Variants in MAGI2 observed in about 807,000 individuals in gnomAD.
The protein encoded by MAGI2 is membrane associated guanylate kinase, WW and PDZ domain containing 2.
In MAGI2, 35 loss-of-function variants were observed where a neutral mutation model predicts 133.3. The ratio of observed to expected loss-of-function variants is 0.26; its 90% CI spans 0.20 to 0.35. The LOEUF is 0.35. Among genes scored for constraint, MAGI2 ranks in the 10% least tolerant of loss-of-function variants. The probability of loss-of-function intolerance (pLI) is 1.00; values close to 1 mark genes in which losing one functional copy is unlikely to be tolerated. For synonymous variants in MAGI2, 729 were observed against 710.6 expected, an observed-to-expected ratio of 1.03 and a Z score of -0.41; for missense variants, 1,636 against 1,863.4, an observed-to-expected ratio of 0.88 and a Z score of 2.25.
intron 3 of MAGI2, chr7:78,618,666 A>G (rs1301081185): frequency 6.6e-6 from 1 of 151,964 alleles, no homozygotes; most frequent in Non-Finnish European, 1.5e-5. Flanking sequence ...TGTGGTATAT[A>G]CAATAGAATA....
chr7:78,118,295 T>C (rs1358931078), intron 20 of MAGI2, among the ~76,000 whole-genome samples: 1 of 152,194 alleles, frequency 6.6e-6, no homozygotes, highest in Non-Finnish European at 1.5e-5. Context: ...GATTTGGCAA[T>C]GACTTTTTAG....
intron 6 of MAGI2, among the ~76,000 whole-genome samples, chr7:78,425,286 C>T (rs1363114244): frequency 1.3e-5 from 2 of 152,174 alleles, no homozygotes; most frequent in Non-Finnish European, 2.9e-5. Flanking sequence ...CTTGCTCCTT[C>T]TTGCCTTCCA....
At chr7:79,169,252 T>G (rs1425625265) in intron 1 of MAGI2, among the ~76,000 whole-genome samples, 1 of 152,064 alleles carries the variant, frequency 6.6e-6, no homozygotes, top group Non-Finnish European at 1.5e-5. Flanking sequence ...TGGTACTCAT[T>G]AAATATCTTG....
chr7:78,560,756 C>T (rs1035222484), intron 3 of MAGI2, among the ~76,000 whole-genome samples: 3 of 152,142 alleles, frequency 2.0e-5, no homozygotes, highest in African/African-American at 4.8e-5. Flanking sequence ...ATAGCATGCT[C>T]TTAACCATTA....
intron 20 of MAGI2, among the ~76,000 whole-genome samples, chr7:78,103,118 TCTC>T (rs1818349650): frequency 1.3e-5 from 2 of 152,164 alleles, no homozygotes; most frequent in Admixed American, 1.3e-4. Flanking sequence ...TTTTAGGGAA[TCTC>T]CTCAAGACAA....
intron 1 of MAGI2, among the ~76,000 whole-genome samples, chr7:79,250,980 A>G (rs1009490119): frequency 6.6e-6 from 1 of 152,222 alleles, no homozygotes; most frequent in Non-Finnish European, 1.5e-5. Flanking sequence ...AAGAAAGTAC[A>G]TTGGGAAAGT....
intron 3 of MAGI2, among the ~76,000 whole-genome samples, chr7:78,548,179 G>A (rs543109874): frequency 6.6e-6 from 1 of 152,276 alleles, no homozygotes; most frequent in South Asian, 2.1e-4. Context: ...TGTTCACTCA[G>A]CATCAGTTTT....
chr7:78,336,132 A>G (rs1193984628), intron 9 of MAGI2, among the ~76,000 whole-genome samples: 1 of 152,192 alleles, frequency 6.6e-6, no homozygotes, highest in Admixed American at 6.5e-5. Context: ...CAGGGTGGAG[A>G]CATTTTAAGC....
intron 2 of MAGI2, among the ~76,000 whole-genome samples, chr7:78,790,474 C>A (rs770943263): frequency 6.6e-6 from 1 of 152,078 alleles, no homozygotes; most frequent in Non-Finnish European, 1.5e-5. Context: ...CCCTTTGTTG[C>A]CCAGGCTGGA....
intron 21 of MAGI2, among the ~76,000 whole-genome samples, chr7:78,052,961 T>C (rs1226541438): frequency 1.3e-5 from 2 of 152,050 alleles, no homozygotes; most frequent in African/African-American, 4.8e-5. Context: ...AACTAAATGC[T>C]GAGCAGCCAG....
intron 3 of MAGI2, among the ~76,000 whole-genome samples, chr7:78,626,048 A>C (rs922455778): frequency 1.4e-4 from 22 of 152,170 alleles, no homozygotes; most frequent in African/African-American, 5.3e-4. Context: ...CCCAACTGTT[A>C]ACGTGGCAAA....
intron 9 of MAGI2, among the ~76,000 whole-genome samples, chr7:78,290,511 C>T (rs1394938759): frequency 1.3e-5 from 2 of 152,138 alleles, no homozygotes; most frequent in East Asian, 3.8e-4. Flanking sequence ...GACTTTAACA[C>T]CCCACTGTCA....
In MAGI2 at chr7:78,501,681, C is replaced by T; in HGVS notation, c.861G>A (p.Met287Ile). The change falls in exon 5 of 22, where the codon ATG becomes ATA. Residue 287 changes from methionine (M) to isoleucine (I), a missense_variant. Met to Ile is a conservative substitution (Grantham distance 10). This residue lies in a region of MAGI2 where 165 missense variants were observed against 128.4 expected (regional missense o/e 1.28). Transcript: ENST00000354212. ...YSQPEELKEQMDDTKPTKPED... is the reference protein window; with the variant it reads ...YSQPEELKEQIDDTKPTKPED... ...CAGGTTTAGTTGGCTTTGTGTCATC[C>T]ATCTGCTCCTTCAGCTCCTCAGGCT... 6.2e-7 allele frequency: 1 copy of T among 1,614,104 alleles called. No individual in the cohort carries two copies. The highest frequency in any genetic ancestry group is 1.1e-5 in the South Asian group (1 of 91,084).
intron 1 of MAGI2, among the ~76,000 whole-genome samples, chr7:79,035,397 G>A (rs1297636282): frequency 6.6e-6 from 1 of 152,028 alleles, no homozygotes; most frequent in Non-Finnish European, 1.5e-5. Flanking sequence ...GTGGAACTGG[G>A]TTTATCTGTC....
rs538030969 is a variant in MAGI2, at chr7:78,077,725, GTTT to G, written c.3706+1219_3706+1221del. On this transcript the variant is annotated intron_variant, in intron 21 of 21. Transcript: ENST00000354212. Reference sequence around the variant, plus strand: ...TGAAATGAAAAGTACTCTTTAGAATGTTTTTTTTTTTTTTTTTTTTTGAGACAG... The same window carrying G: ...TGAAATGAAAAGTACTCTTTAGAATGTTTTTTTTTTTTTTTTTTGAGACAG... Among the ~76,000 whole-genome samples the G allele has an allele frequency of 3.2e-4, 32 of 101,232 alleles. 1 individual carries two copies. The highest frequency in any genetic ancestry group is 5.9e-3 in the Middle Eastern group (1 of 170). The allele number at this position is 101,232 out of a possible 152,430, so 66.4% of individuals were successfully genotyped here.
At chr7:79,086,993 G>T (rs943968087) in intron 1 of MAGI2, among the ~76,000 whole-genome samples, 66 of 151,680 alleles carry the variant, frequency 4.4e-4, no homozygotes, top group African/African-American at 1.5e-3. Flanking sequence ...AGAAATAAAA[G>T]AGTTATTTGT....
At chr7:78,979,730 C>G (rs1804620957) in intron 2 of MAGI2, among the ~76,000 whole-genome samples, 1 of 151,752 alleles carries the variant, frequency 6.6e-6, no homozygotes, top group African/African-American at 2.4e-5. Flanking sequence ...GTTTGGCCAT[C>G]CCATAATCCT....
At chr7:78,860,997 TG>T (rs1281230414) in intron 2 of MAGI2, among the ~76,000 whole-genome samples, 2 of 152,148 alleles carry the variant, frequency 1.3e-5, no homozygotes, top group African/African-American at 4.8e-5. Flanking sequence ...CTCAGACTGC[TG>T]TGCTTGCAGT....
chr7:78,717,105 C>T (rs562915751), intron 2 of MAGI2, among the ~76,000 whole-genome samples: 1 of 152,258 alleles, frequency 6.6e-6, no homozygotes, highest in African/African-American at 2.4e-5. Context: ...ACCTCTCCCG[C>T]CTGGACCTAC....
Sources: gnomAD v4.1 joint callset for allele counts (sites outside exome capture counted in the v4.1 genomes callset) on GRCh38, gnomAD v4.1.1 for gene constraint, gnomAD v4.1.1 regional missense constraint, MANE v1.5 for transcripts, NCBI Gene and HGNC (gene_info 2026-07-23, HGNC 2026-07-21) for gene names.